The following ERG variants were observed in gnomAD, a reference collection of about 807,000 sequenced individuals.
The protein encoded by ERG is transcriptional regulator ERG.
A neutral mutation model predicts 55.3 loss-of-function variants in ERG; 9 were observed. The observed-to-expected ratio is 0.16, with a 90% CI of 0.10 to 0.28. The LOEUF (loss-of-function observed/expected upper bound fraction) is 0.28. Ranked by LOEUF, ERG falls within the 10% of genes least tolerant of loss-of-function variation. The probability of loss-of-function intolerance (pLI) is 1.00; values close to 1 mark genes in which losing one functional copy is unlikely to be tolerated. For missense variants in ERG, 434 were observed against 631.6 expected, an observed-to-expected ratio of 0.69 and a Z score of 3.35; for synonymous variants, 223 against 237.3, an observed-to-expected ratio of 0.94 and a Z score of 0.55.
intron 2 of ERG, among the ~76,000 whole-genome samples, chr21:38,573,523 T>C (rs1166956389): frequency 1.3e-5 from 2 of 152,258 alleles, no homozygotes. Flanking sequence ...TCCGCTGAGA[T>C]GTTTGGGTGG....
chr21:38,451,293 G>C (rs1407162881), intron 1 of ERG: 8 of 465,140 alleles, frequency 1.7e-5, no homozygotes, highest in South Asian at 1.2e-4. Context: ...GAGCCTAGGG[G>C]ATGTGTAGCA....
At chr21:38,609,904 A>T (rs2146926419) in intron 1 of ERG, among the ~76,000 whole-genome samples, 1 of 152,344 alleles carries the variant, frequency 6.6e-6, no homozygotes, top group African/African-American at 2.4e-5. Flanking sequence ...GCGTGTGTTG[A>T]ATTTGGTCAA....
At chr21:38,570,610 G>T (rs372956123) in intron 2 of ERG, among the ~76,000 whole-genome samples, 1 of 152,110 alleles carries the variant, frequency 6.6e-6, no homozygotes, top group Non-Finnish European at 1.5e-5. Context: ...AATCTCCCAC[G>T]AACCCTGCAA....
At chr21:38,512,992 A>G (rs924500981) in intron 2 of ERG, among the ~76,000 whole-genome samples, 1 of 151,982 alleles carries the variant, frequency 6.6e-6, no homozygotes, top group Non-Finnish European at 1.5e-5. Flanking sequence ...TTAGCTGGGC[A>G]TGGTGGCGTG....
At chr21:38,511,239 T>C (rs1377888994) in intron 2 of ERG, among the ~76,000 whole-genome samples, 1 of 152,230 alleles carries the variant, frequency 6.6e-6, no homozygotes, top group Admixed American at 6.5e-5. Context: ...CATTTGAACA[T>C]TCAATCAATA....
intron 3 of ERG, among the ~76,000 whole-genome samples, chr21:38,421,855 T>A (rs1041575260): frequency 6.6e-6 from 1 of 152,200 alleles, no homozygotes; most frequent in Non-Finnish European, 1.5e-5. Context: ...TTTATTTTTT[T>A]ATTTTTATTA....
At chr21:38,600,695 G>C (rs2060159516) in intron 1 of ERG, among the ~76,000 whole-genome samples, 1 of 152,186 alleles carries the variant, frequency 6.6e-6, no homozygotes, top group Non-Finnish European at 1.5e-5. Context: ...AATAAGCATG[G>C]AATCACAGAA....
intron 1 of ERG, among the ~76,000 whole-genome samples, chr21:38,577,954 G>T (rs2060004981): frequency 6.6e-6 from 1 of 152,222 alleles, no homozygotes; most frequent in Non-Finnish European, 1.5e-5. Context: ...GCAGAGGGAA[G>T]GTTTCAGGAG....
chr21:38,460,202 G>A lies in ERG; in HGVS notation c.19-14581C>T, dbSNP rs552088668. On this transcript the variant is annotated intron_variant, in intron 1 of 9. Coordinates refer to ENST00000288319, the MANE Select transcript of ERG (RefSeq NM_182918.4). The surrounding 1 kb of genome is among the most constrained non-coding windows in gnomAD (Gnocchi z 5.0). ...GAACAATGGGACCAAGAACAGCCAG[G>A]GAGGAGGGGTTACTGGAAAGGAGCG... Among the ~76,000 whole-genome samples the A allele has an allele frequency of 1.3e-5, 2 of 152,292 alleles. No individual in the cohort carries two copies. The highest frequency in any genetic ancestry group is 1.9e-4 in the East Asian group (1 of 5,164).
upstream of ERG, among the ~76,000 whole-genome samples, chr21:38,586,032 T>C (rs911402765): frequency 6.6e-6 from 1 of 151,894 alleles, no homozygotes; most frequent in African/African-American, 2.4e-5. Flanking sequence ...GTTATCAAAA[T>C]GGTTAACAGT....
intron 2 of ERG, among the ~76,000 whole-genome samples, chr21:38,541,896 A>C (rs1465442444): frequency 7.1e-6 from 1 of 141,060 alleles, no homozygotes; most frequent in Non-Finnish European, 1.5e-5. Context: ...CATCCGGCAC[A>C]TATATCCTGG....
At chr21:38,599,045 T>C (rs1568940606) in intron 1 of ERG, among the ~76,000 whole-genome samples, 1 of 152,106 alleles carries the variant, frequency 6.6e-6, no homozygotes, top group Non-Finnish European at 1.5e-5. Flanking sequence ...AAAAAAACCA[T>C]TTAGGCTGCC....
chr21:38,488,036 C>T (rs183412253), intron 1 of ERG, among the ~76,000 whole-genome samples: 1 of 152,246 alleles, frequency 6.6e-6, no homozygotes, highest in Middle Eastern at 3.4e-3. Context: ...TCTCTGCCCC[C>T]CACCTGGCAG....
At chr21:38,515,179 T>C (rs1473004711) in intron 2 of ERG, among the ~76,000 whole-genome samples, 1 of 151,990 alleles carries the variant, frequency 6.6e-6, no homozygotes, top group African/African-American at 2.4e-5. Flanking sequence ...TGCAGATGCA[T>C]TCAATATTTC....
intron 1 of ERG, among the ~76,000 whole-genome samples, chr21:38,462,756 T>C (rs1457452864): frequency 2.0e-5 from 3 of 152,162 alleles, no homozygotes; most frequent in Non-Finnish European, 4.4e-5. Context: ...GCCCCAGGGC[T>C]CTCTAACACT....
intron 2 of ERG, among the ~76,000 whole-genome samples, chr21:38,559,982 C>T (rs114140797): frequency 2.0e-3 from 300 of 152,322 alleles, no homozygotes; most frequent in African/African-American, 6.7e-3. Context: ...CACACCCGGC[C>T]TCATCTTTTC....
chr21:38,412,174 T>G (rs1365927211), intron 3 of ERG, among the ~76,000 whole-genome samples: 11 of 152,216 alleles, frequency 7.2e-5, no homozygotes, highest in African/African-American at 2.7e-4. Context: ...TTGGTCTATC[T>G]ACACTTATTA....
At chr21:38,398,045 C>T (rs751433970) in intron 6 of ERG, among the ~76,000 whole-genome samples, 4 of 152,166 alleles carry the variant, frequency 2.6e-5, no homozygotes, top group Admixed American at 6.5e-5. Flanking sequence ...GGATTTGGGT[C>T]TGTATCCCCA....
chr21:38,399,106 A>G (rs986350288), intron 6 of ERG, among the ~76,000 whole-genome samples: 5 of 152,220 alleles, frequency 3.3e-5, no homozygotes, highest in Non-Finnish European at 7.3e-5. Flanking sequence ...CCAATCTTGC[A>G]GACTCTAGGC....
Sources: gnomAD v4.1 joint callset for allele counts (sites outside exome capture counted in the v4.1 genomes callset) on GRCh38, gnomAD v4.1.1 for gene constraint, Gnocchi (gnomAD v3.1) non-coding constraint, MANE v1.5 for transcripts, NCBI Gene and HGNC (gene_info 2026-07-23, HGNC 2026-07-21) for gene names.